The following ZFHX3 variants were observed in gnomAD, a reference collection of about 807,000 sequenced individuals.
ZFHX3 encodes zinc finger homeobox 3.
ZFHX3 carries 42 observed loss-of-function variants against 279.1 expected under a neutral mutation model. The ratio of observed to expected loss-of-function variants is 0.15; its 90% CI spans 0.12 to 0.19. ZFHX3 has a LOEUF of 0.19. ZFHX3 is among the 10% of genes least tolerant of loss of function. The pLI is 1.00. For synonymous variants in ZFHX3, 2,293 were observed against 1,957.8 expected, an observed-to-expected ratio of 1.17 and a Z score of -4.52; for missense variants, 4,981 against 4,754.0, an observed-to-expected ratio of 1.05 and a Z score of -1.40.
At chr16:73,146,770 C>A (rs190593842) in intron 5 of ZFHX3, among the ~76,000 whole-genome samples, 1 of 152,142 alleles carries the variant, frequency 6.6e-6, no homozygotes, top group African/African-American at 2.4e-5. Context: ...ATCCTCTCAT[C>A]TCAGCCTCCC....
intron 1 of ZFHX3, among the ~76,000 whole-genome samples, chr16:73,732,685 T>A (rs1355910793): frequency 4.6e-5 from 7 of 152,250 alleles, no homozygotes; most frequent in African/African-American, 1.2e-4. Flanking sequence ...TTAGCCTGTA[T>A]CTCTTTTCTA....
Position 72,958,173 on chromosome 16 carries a change from T to G in ZFHX3, c.1973A>C (p.His658Pro), listed in dbSNP as rs2144439691. 1 of 1,613,704 alleles carries G rather than the reference T, an allele frequency of 6.2e-7. No individual in the cohort carries two copies. The highest frequency in any genetic ancestry group is 2.2e-5 in the East Asian group (1 of 44,858). ...GTTACGAGAATGCATCATGGTCATG[T>G]GGCCGCCCAGCGAGCGGGAGGAGCC... is the stretch of plus-strand genomic sequence containing the variant. ...VLGSSRSLGG[H>P]MTMMHSRNSC... The change falls in exon 2 of 10, where the codon CAC becomes CCC. Residue 658 changes from histidine to proline, a missense_variant. His to Pro is a moderately conservative substitution (Grantham distance 77, BLOSUM62 -2). Coordinates refer to ENST00000268489, the MANE Select transcript of ZFHX3 (RefSeq NM_006885.4).
intron 3 of ZFHX3, among the ~76,000 whole-genome samples, chr16:72,906,806 C>T (rs2039185597): frequency 1.3e-5 from 2 of 152,018 alleles, no homozygotes; most frequent in Middle Eastern, 3.4e-3. Context: ...CACCCCCCTT[C>T]CCCCCCTCAA....
At chr16:73,602,752 C>A (rs2052132597) in intron 2 of ZFHX3, among the ~76,000 whole-genome samples, 1 of 151,566 alleles carries the variant, frequency 6.6e-6, no homozygotes, top group Non-Finnish European at 1.5e-5. Context: ...CAAGACCGGC[C>A]TGGCCAACAT....
chr16:73,128,239 A>G (rs1431557136), intron 7 of ZFHX3, among the ~76,000 whole-genome samples: 1 of 152,140 alleles, frequency 6.6e-6, no homozygotes, highest in East Asian at 1.9e-4. Context: ...GATTTGGTCT[A>G]TTTCTTAATC....
chr16:73,188,183 A>T (rs1967956868), intron 5 of ZFHX3, among the ~76,000 whole-genome samples: 1 of 151,504 alleles, frequency 6.6e-6, no homozygotes, highest in South Asian at 2.1e-4. Flanking sequence ...TTTAACAGGG[A>T]TATCTTTATT....
chr16:73,059,737 C>G (rs996045501), upstream of ZFHX3: 1 of 151,958 alleles, frequency 6.6e-6, no homozygotes, highest in African/African-American at 2.4e-5. Flanking sequence ...AAATTACCTC[C>G]CCCCAAATCA....
At chr16:73,791,440 T>G (rs1235993268) in intron 1 of ZFHX3, among the ~76,000 whole-genome samples, 4 of 152,144 alleles carry the variant, frequency 2.6e-5, no homozygotes, top group African/African-American at 9.7e-5. Flanking sequence ...TTTTAATTTT[T>G]TTTGAGATGG....
At chr16:73,240,018 A>ATT (rs1241608459) in intron 5 of ZFHX3, among the ~76,000 whole-genome samples, 1 of 140,002 alleles carries the variant, frequency 7.1e-6, no homozygotes, top group Non-Finnish European at 1.5e-5. Context: ...TAAGAACCTT[A>ATT]TTTTGTGTGT....
At chr16:73,473,339 C>CAAAAAAAAAAAAAAAAAAAAAAAAAAA (rs11347779) in intron 2 of ZFHX3, among the ~76,000 whole-genome samples, 11 of 76,670 alleles carry the variant, frequency 1.4e-4, no homozygotes, top group South Asian at 5.1e-4. Context: ...TGTCTCAAAG[C>CAAAAAAAAAAAAAAAAAAAAAAAAAAA]AAAAAAAAAA....
At position 73,104,510 on chromosome 16, in the gene ZFHX3, A is replaced by G. The variant is rs547466204; in HGVS notation, c.-896-10912T>C. Among the ~76,000 whole-genome samples, 3 of 152,156 alleles carry G rather than the reference A, an allele frequency of 2.0e-5. No homozygotes were observed. In the South Asian group the frequency reaches 6.2e-4, roughly 32 times the overall value. ...CTCCCAAAGTGCTGGGATTACAGGC[A>G]TGAGCCACCATGCCCAGCCTCCTGT... On this transcript the variant is annotated intron_variant, in intron 7 of 17. Transcript: ENST00000641206.
chr16:73,347,942 T>G (rs531898920), intron 3 of ZFHX3, among the ~76,000 whole-genome samples: 3 of 152,344 alleles, frequency 2.0e-5, no homozygotes, highest in East Asian at 3.9e-4. Flanking sequence ...GAGTGAAAAC[T>G]TTTGATATTT....
At chr16:73,466,736 G>T (rs916967043) in intron 2 of ZFHX3, among the ~76,000 whole-genome samples, 1 of 152,112 alleles carries the variant, frequency 6.6e-6, no homozygotes, top group Admixed American at 6.5e-5. Flanking sequence ...ACCCCAGTAG[G>T]CACCTATGTT....
intron 5 of ZFHX3, among the ~76,000 whole-genome samples, chr16:73,200,131 AT>A (rs1287985225): frequency 6.6e-6 from 1 of 152,220 alleles, no homozygotes; most frequent in African/African-American, 2.4e-5. Flanking sequence ...TGAGTAAAAC[AT>A]ACCAGTGTTA....
intron 2 of ZFHX3, among the ~76,000 whole-genome samples, chr16:73,648,483 G>A (rs899629208): frequency 6.6e-6 from 1 of 152,168 alleles, no homozygotes; most frequent in African/African-American, 2.4e-5. Flanking sequence ...TCGGCCTCCT[G>A]GGTTCAAGTG....
intron 7 of ZFHX3, among the ~76,000 whole-genome samples, chr16:73,106,024 G>A (rs778644834): frequency 1.4e-5 from 2 of 144,418 alleles, no homozygotes; most frequent in African/African-American, 2.6e-5. Context: ...AATCCTCTCC[G>A]CCATGCAAAA....
Position 72,934,300 on chromosome 16 carries a change from C to G in ZFHX3, c.3216+16169G>C, listed in dbSNP as rs897736027. 5.9e-5 allele frequency among the ~76,000 whole-genome samples: 9 copies of G among 152,028 alleles called. No individual in the cohort carries two copies. In the East Asian group the frequency reaches 1.8e-3, roughly 30 times the overall value. ...AAAGTTAGCCGGGCCTGGTGGCGGG[C>G]GCCTGTAATCCCAGCTACTTGGGAG... On this transcript the variant is annotated intron_variant, in intron 3 of 9. Transcript: ENST00000268489.
Position 72,957,418 on chromosome 16 carries a change from C to T in ZFHX3, c.2719+9G>A. On this transcript the variant is annotated intron_variant, in intron 2 of 9. Transcript: ENST00000268489. Reference sequence around the variant, plus strand: ...TCATGAAAACAGACAAACACGTAGTCATCCTCACCTAGAGCAGGCGTCATG... The same window carrying T: ...TCATGAAAACAGACAAACACGTAGTTATCCTCACCTAGAGCAGGCGTCATG... 6.3e-7 allele frequency: 1 copy of T among 1,593,620 alleles called. No individual in the cohort carries two copies. The highest frequency in any genetic ancestry group is 8.6e-7 in the Non-Finnish European group (1 of 1,169,014).
chr16:73,204,324 T>C (rs907925973), intron 5 of ZFHX3, among the ~76,000 whole-genome samples: 3 of 151,878 alleles, frequency 2.0e-5, no homozygotes, highest in Non-Finnish European at 2.9e-5. Flanking sequence ...GAAATAATTA[T>C]ACAACTCACC....
Sources: allele counts gnomAD v4.1 joint callset (sites outside exome capture counted in the v4.1 genomes callset), GRCh38; gene constraint gnomAD v4.1.1; transcripts MANE v1.5; gene names NCBI Gene and HGNC (gene_info 2026-07-23, HGNC 2026-07-21).